CD1C: variants seen among roughly 807,000 people sequenced by gnomAD.
CD1C encodes the protein CD1c molecule, also known as T-cell surface glycoprotein CD1c.
In CD1C, 47 loss-of-function variants were observed where a neutral mutation model predicts 39.4. The observed-to-expected ratio is 1.19, with a 90% CI of 0.94 to 1.52. The LOEUF is 1.52. Ranked by LOEUF, CD1C falls within the 40% of genes most tolerant of loss-of-function variation. The probability of loss-of-function intolerance (pLI) is 0.00; values close to 1 mark genes in which losing one functional copy is unlikely to be tolerated. For synonymous variants in CD1C, 165 were observed against 150.8 expected (o/e 1.09, Z -0.69); for missense variants, 417 against 395.2 (o/e 1.06, Z -0.47).
chr1:158,291,542 T>A, intron 2 of CD1C, 142 bp downstream of exon 2: 2 of 834,010 alleles, frequency 2.4e-6, no homozygotes, highest in Non-Finnish European at 3.7e-6. Flanking sequence ...GGGATATTCC[T>A]GATGTTGACT....
Position 158,292,219 on chromosome 1 carries a change from G to A in CD1C, c.464G>A (p.Cys155Tyr). 1 of 1,614,204 alleles carries A rather than the reference G, an allele frequency of 6.2e-7. No homozygotes were observed. The highest frequency in any genetic ancestry group is 8.5e-7 in the Non-Finnish European group (1 of 1,180,042). The change falls in exon 3 of 6, where the codon TGT (cysteine) becomes TAT (tyrosine). Residue 155 changes from cysteine to tyrosine, a missense_variant. Coordinates refer to ENST00000368170, the MANE Select transcript of CD1C (RefSeq NM_001765.3). ...QNTTWVPSPG[C>Y]GSLAQSVCHL... ...ACAACATGGGTGCCATCTCCAGGCTGTGGAAGTTTGGCCCAAAGTGTCTGT... is the reference window on the plus strand; with the variant it reads ...ACAACATGGGTGCCATCTCCAGGCTATGGAAGTTTGGCCCAAAGTGTCTGT...
rs776038851 is a variant in CD1C, at chr1:158,290,137, G to A, written c.61+12G>A. Reference sequence around the variant, plus strand: ...TGACAATGCAGACGGTAAGAACATCGCTGTCAGCTGCAAGGTTACATGTAT... The same window carrying A: ...TGACAATGCAGACGGTAAGAACATCACTGTCAGCTGCAAGGTTACATGTAT... On this transcript the variant is annotated intron_variant, in intron 1 of 5. Transcript: ENST00000368170. 6 of 1,610,996 alleles carry A rather than the reference G, an allele frequency of 3.7e-6. No homozygotes were observed. The highest frequency in any genetic ancestry group is 1.3e-5 in the African/African-American group (1 of 74,904).
intron 4 of CD1C, 50 bp downstream of exon 4, chr1:158,292,924 T>G: frequency 6.3e-7 from 1 of 1,578,944 alleles, no homozygotes; most frequent in Non-Finnish European, 8.6e-7. Context: ...AGCCTAGAGG[T>G]TAGGGGAGAG....
chr1:158,290,069 TGTTTCTGCA>T lies in CD1C; in HGVS notation c.14_22del (p.Gln5_Leu7del), dbSNP rs1557800139. 2 of 1,613,922 alleles carry T rather than the reference TGTTTCTGCA, an allele frequency of 1.2e-6. No homozygotes were observed. The highest frequency in any genetic ancestry group is 1.7e-6 in the Non-Finnish European group (2 of 1,179,846). On this transcript the variant is annotated inframe_deletion, in exon 1 of 6. Coordinates refer to ENST00000368170, the MANE Select transcript of CD1C (RefSeq NM_001765.3). ...AAAGAAACATCTGCAAATGACATGCTGTTTCTGCAGTTTCTGCTGCTAGCTCTTCTTCTC... is the reference window on the plus strand; with the variant it reads ...AAAGAAACATCTGCAAATGACATGCTGTTTCTGCTGCTAGCTCTTCTTCTC...
chr1:158,290,480 T>C (rs1194011187), intron 1 of CD1C, among the ~76,000 whole-genome samples: 1 of 152,092 alleles, frequency 6.6e-6, no homozygotes, highest in East Asian at 1.9e-4. Context: ...CACGCACCAC[T>C]TTGTCTAAGG....
chr1:158,292,971 T>C, intron 4 of CD1C, 97 bp downstream of exon 4: 1 of 1,195,808 alleles, frequency 8.4e-7, no homozygotes. Flanking sequence ...TGAGGGATTG[T>C]AGGAAGAAAT....
intron 2 of CD1C, among the ~76,000 whole-genome samples, 158 bp from the exon 3 acceptor site, chr1:158,291,926 C>T (rs1057105442): frequency 2.6e-5 from 4 of 152,192 alleles, no homozygotes; most frequent in African/African-American, 9.7e-5. Context: ...CTATCCCCAG[C>T]AATTTTTCTC....
chr1:158,293,258 C>A lies in CD1C; in HGVS notation c.936C>A (p.Pro312=), dbSNP rs1445757761. 3 of 1,614,104 alleles carry A rather than the reference C, an allele frequency of 1.9e-6. No individual in the cohort carries two copies. In the South Asian group the frequency reaches 3.3e-5, roughly 18 times the overall value. ...MNWIALVVIV[P]LVILIVLVLW... ...GGATTGCCTTGGTAGTGATAGTGCC[C>A]TTGGTGATTCTAATAGTCCTTGTGT... Residue 312 remains proline (P), a synonymous_variant, in exon 5 of 6, where the codon CCC becomes CCA. Transcript: ENST00000368170.
rs766792421 is a variant in CD1C, at chr1:158,292,845, T to G, written c.860T>G (p.Leu287Arg). 17 of 1,613,982 alleles carry G rather than the reference T, an allele frequency of 1.1e-5. No homozygotes were observed. Among genetic ancestry groups the G allele is most frequent in the Non-Finnish European group, 1.2e-5 (14 of 1,180,002 alleles). The stretch of plus-strand genomic sequence containing the variant: ...TCTTGTCGAGTGAGACACAGCAGTC[T>G]AGGAGGCCAGGACATCATCCTCTAC... The part of the protein sequence containing the change: ...GLSCRVRHSS[L>R]GGQDIILYWG... The change falls in exon 4 of 6, where the codon CTA becomes CGA. Residue 287 changes from leucine (L) to arginine (R), a missense_variant. Transcript: ENST00000368170.
rs2101663832 is a variant in CD1C, at chr1:158,294,446, T to C, written c.*970T>C. On this transcript the variant is annotated 3_prime_UTR_variant, in exon 6 of 6. Transcript: ENST00000368170. ...TCCACTCTCCTGAAGTTGCAATGTT[T>C]GCTTCCTCAATCTGTCCATGTTTCT... is the stretch of plus-strand genomic sequence containing the variant. Among the ~76,000 whole-genome samples the C allele has an allele frequency of 6.6e-6, 1 of 152,362 alleles. No individual in the cohort carries two copies. Among genetic ancestry groups the C allele is most frequent in the Non-Finnish European group, 1.5e-5 (1 of 68,028 alleles).
intron 1 of CD1C, among the ~76,000 whole-genome samples, chr1:158,290,400 G>T (rs1157569198): frequency 6.6e-6 from 1 of 152,156 alleles, no homozygotes; most frequent in Non-Finnish European, 1.5e-5. Flanking sequence ...CCAGGAAAAT[G>T]ATGTGGTTTC....
chr1:158,291,766 G>A (rs760899212), intron 2 of CD1C, among the ~76,000 whole-genome samples: 4 of 152,066 alleles, frequency 2.6e-5, no homozygotes, highest in African/African-American at 4.8e-5. Flanking sequence ...AATTTCATGC[G>A]TCATGGAATG....
Position 158,293,719 on chromosome 1 carries a change from C to A in CD1C, c.*243C>A. The A allele has an allele frequency of 1.2e-6, 1 of 857,192 alleles. No homozygotes were observed. Among genetic ancestry groups the A allele is most frequent in the Non-Finnish European group, 1.8e-6 (1 of 553,640 alleles). 53.1% of individuals were successfully genotyped at this position (857,192 alleles called of 1,614,324 possible). The stretch of plus-strand genomic sequence containing the variant: ...ATTTCCTCCAACGATCTTCCTTGAC[C>A]CATACTGAACCCAGAGAGCCCCTCA... On this transcript the variant is annotated 3_prime_UTR_variant, in exon 6 of 6. Transcript: ENST00000368170.
At position 158,292,142 on chromosome 1, in the gene CD1C, A is replaced by G. The variant is rs1651062777; in HGVS notation, c.387A>G (p.Glu129=). Residue 129 remains glutamate (E), a synonymous_variant, in exon 3 of 6, where the codon GAA becomes GAG. Transcript: ENST00000368170. ...AGCTGCATTCTGGAAAGAGCCCAGA[A>G]GGCTTCTTTCAGGTAGCTTTCAACG... The part of the protein sequence containing the change: ...GCELHSGKSP[E]GFFQVAFNGL... 5 of 1,614,040 alleles carry G rather than the reference A, an allele frequency of 3.1e-6. No homozygotes were observed. In the Admixed American group the frequency reaches 5.0e-5, roughly 16 times the overall value.
chr1:158,293,242 T>C lies in CD1C; in HGVS notation c.920T>C (p.Leu307Ser), dbSNP rs774722047. The C allele has an allele frequency of 2.5e-6, 4 of 1,614,136 alleles. No homozygotes were observed. In the South Asian group the frequency reaches 4.4e-5, roughly 18 times the overall value. ...GHHFSMNWIA[L>S]VVIVPLVILI... The stretch of plus-strand genomic sequence containing the variant: ...CACTTTTCCATGAATTGGATTGCCT[T>C]GGTAGTGATAGTGCCCTTGGTGATT... Residue 307 changes from leucine to serine, a missense_variant, in exon 5 of 6, where the codon TTG (leucine) becomes TCG (serine). Coordinates refer to ENST00000368170, the MANE Select transcript of CD1C (RefSeq NM_001765.3).
intron 1 of CD1C, among the ~76,000 whole-genome samples, chr1:158,290,458 A>G (rs999311460): frequency 3.3e-5 from 5 of 152,128 alleles, no homozygotes; most frequent in African/African-American, 4.8e-5. Context: ...GGATGAAGCA[A>G]CCTTTCAATG....
In CD1C at chr1:158,294,347, AT is replaced by A. The variant is rs1176317538; in HGVS notation, c.*877del. Among the ~76,000 whole-genome samples, 1 of 152,166 alleles carries A rather than the reference AT, an allele frequency of 6.6e-6. No individual in the cohort carries two copies. The highest frequency in any genetic ancestry group is 2.4e-5 in the African/African-American group (1 of 41,434). On this transcript the variant is annotated 3_prime_UTR_variant, in exon 6 of 6. Transcript: ENST00000368170. ...GGTTTCATTCACTAATTCAACTAAT[AT>A]TTTTTGGGTACTGAGTTGAGACAGG...
chr1:158,292,829 G>C lies in CD1C; in HGVS notation c.844G>C (p.Val282Leu). 3 of 1,614,206 alleles carry C rather than the reference G, an allele frequency of 1.9e-6. No homozygotes were observed. Among genetic ancestry groups the C allele is most frequent in the Non-Finnish European group, 2.5e-6 (3 of 1,180,034 alleles). ...SEEPAGLSCR[V>L]RHSSLGGQDI... is the part of the protein sequence containing the mutation. ...GGAGCCTGCTGGCCTGTCTTGTCGA[G>C]TGAGACACAGCAGTCTAGGAGGCCA... is the stretch of plus-strand genomic sequence containing the variant. The change falls in exon 4 of 6, where the codon GTG becomes CTG. Residue 282 changes from valine (V) to leucine (L), a missense_variant. By Grantham distance (32) the Val-to-Leu change is conservative. Transcript: ENST00000368170.
intron 3 of CD1C, 99 bp downstream of exon 3, chr1:158,292,464 CA>C: frequency 6.7e-7 from 1 of 1,489,776 alleles, no homozygotes; most frequent in Non-Finnish European, 9.1e-7. Flanking sequence ...GGACAAGAAG[CA>C]GGGGGGTTGC....
Sources: gnomAD v4.1 joint callset for allele counts (sites outside exome capture counted in the v4.1 genomes callset) on GRCh38, gnomAD v4.1.1 for gene constraint, MANE v1.5 for transcripts, NCBI Gene and HGNC (gene_info 2026-07-23, HGNC 2026-07-21) for gene names.